Variants in PRKG1 observed in about 807,000 individuals in gnomAD.
PRKG1 encodes cGMP-dependent protein kinase 1.
PRKG1 carries 35 observed loss-of-function variants against 88.1 expected under a neutral mutation model. That is an observed-to-expected ratio of 0.40 (90% confidence interval 0.30 to 0.53). PRKG1 has a LOEUF of 0.53. Among genes scored for constraint, PRKG1 ranks in the 20% least tolerant of loss-of-function variants. The pLI is 0.59. For missense variants in PRKG1, 540 were observed against 839.8 expected (o/e 0.64, Z 4.41); for synonymous variants, 303 against 292.5 (o/e 1.04, Z -0.37).
At chr10:51,700,618 G>A (rs1841441720) in intron 3 of PRKG1, among the ~76,000 whole-genome samples, 1 of 152,126 alleles carries the variant, frequency 6.6e-6, no homozygotes, top group Non-Finnish European at 1.5e-5. Flanking sequence ...AGCTTGGAGA[G>A]GGCTAGGTAA....
intron 3 of PRKG1, among the ~76,000 whole-genome samples, chr10:51,545,082 A>G (rs927443869): frequency 1.3e-5 from 2 of 151,978 alleles, no homozygotes; most frequent in African/African-American, 4.8e-5. Flanking sequence ...GATGTGACTC[A>G]TATTTATTTG....
intron 4 of PRKG1, among the ~76,000 whole-genome samples, chr10:51,805,042 A>G (rs1443185937): frequency 2.0e-5 from 3 of 152,118 alleles, no homozygotes; most frequent in African/African-American, 7.2e-5. Context: ...GATATTGAAT[A>G]CATCTTCAAC....
chr10:51,472,667 T>G (rs1264933786), intron 3 of PRKG1, among the ~76,000 whole-genome samples: 1 of 151,928 alleles, frequency 6.6e-6, no homozygotes, highest in African/African-American at 2.4e-5. Flanking sequence ...AAGTATTAGA[T>G]TTATGATAAA....
intron 2 of PRKG1, among the ~76,000 whole-genome samples, chr10:51,172,320 A>C (rs1837047001): frequency 6.6e-6 from 1 of 152,108 alleles, no homozygotes; most frequent in Admixed American, 6.6e-5. Flanking sequence ...TTTTAAACAA[A>C]AGGGGCATAA....
intron 4 of PRKG1, among the ~76,000 whole-genome samples, chr10:51,876,836 G>A (rs1841312264): frequency 6.6e-6 from 1 of 151,924 alleles, no homozygotes; most frequent in Admixed American, 6.6e-5. Flanking sequence ...CTTGCACCGG[G>A]GTGGGATAAC....
intron 3 of PRKG1, among the ~76,000 whole-genome samples, chr10:51,680,022 T>G (rs1840809917): frequency 6.6e-6 from 1 of 152,048 alleles, no homozygotes; most frequent in Non-Finnish European, 1.5e-5. Flanking sequence ...AACCTCCCCC[T>G]TCCACCACAT....
At chr10:51,217,218 T>C (rs1007576715) in intron 2 of PRKG1, among the ~76,000 whole-genome samples, 3 of 152,152 alleles carry the variant, frequency 2.0e-5, no homozygotes, top group African/African-American at 7.2e-5. Context: ...CTTTCATAGA[T>C]ATAAAAATTA....
chr10:52,212,589 G>GATGAAAAA lies in PRKG1; in HGVS notation c.1077-38981_1077-38980insATGAAAAA, dbSNP rs1455875419. Among the ~76,000 whole-genome samples, 9 of 151,264 alleles carry GATGAAAAA rather than the reference G, an allele frequency of 5.9e-5. No homozygotes were observed. The East Asian group carries it at 1.6e-3, about 26-fold the overall frequency. On this transcript the variant is annotated intron_variant, in intron 9 of 17. Transcript: ENST00000373980. ...AGCTTTTCTATCTTTTCATCCATATGGCTGTTGGGGGGAGAGGGGTGGTGT... is the reference window on the plus strand; with the variant it reads ...AGCTTTTCTATCTTTTCATCCATATGATGAAAAAGCTGTTGGGGGGAGAGGGGTGGTGT...
chr10:51,411,553 A>C (rs1358304600), intron 2 of PRKG1, among the ~76,000 whole-genome samples: 2 of 152,200 alleles, frequency 1.3e-5, no homozygotes, highest in Admixed American at 6.5e-5. Flanking sequence ...GGAGAGTAAC[A>C]TGAAGCAGAG....
intron 8 of PRKG1, among the ~76,000 whole-genome samples, chr10:52,151,689 A>G (rs1047115263): frequency 6.6e-6 from 1 of 152,208 alleles, no homozygotes; most frequent in Non-Finnish European, 1.5e-5. Context: ...ATTTGATTTA[A>G]GTATAGTTGA....
intron 3 of PRKG1, among the ~76,000 whole-genome samples, chr10:51,592,320 T>A (rs1423914111): frequency 6.6e-6 from 1 of 152,128 alleles, no homozygotes; most frequent in Non-Finnish European, 1.5e-5. Flanking sequence ...AAGAAACACT[T>A]GTTTACTCTT....
At chr10:51,750,786 T>C (rs933867722) in intron 3 of PRKG1, among the ~76,000 whole-genome samples, 9 of 152,178 alleles carry the variant, frequency 5.9e-5, no homozygotes, top group Non-Finnish European at 1.3e-4. Context: ...CTTAAAAGCA[T>C]TGGAAGAAAA....
At chr10:51,044,647 T>G (rs1271751461) in intron 1 of PRKG1, among the ~76,000 whole-genome samples, 1 of 151,958 alleles carries the variant, frequency 6.6e-6, no homozygotes, top group Non-Finnish European at 1.5e-5. Flanking sequence ...TAGACTCCCC[T>G]CCTTTGAGAG....
intron 1 of PRKG1, among the ~76,000 whole-genome samples, chr10:51,131,259 A>G (rs1845559177): frequency 6.6e-6 from 1 of 152,200 alleles, no homozygotes; most frequent in South Asian, 2.1e-4. Flanking sequence ...TTCATATCTG[A>G]GTTAATCTTT....
intron 2 of PRKG1, among the ~76,000 whole-genome samples, chr10:51,194,919 A>G (rs1837724002): frequency 6.6e-6 from 1 of 152,182 alleles, no homozygotes; most frequent in Admixed American, 6.5e-5. Context: ...AGATAATGGT[A>G]TTAATCCACT....
At chr10:51,698,751 G>A in intron 3 of PRKG1, 3 of 1,614,184 alleles carry the variant, frequency 1.9e-6, no homozygotes, top group Non-Finnish European at 2.5e-6. Flanking sequence ...GCTGGTATTG[G>A]CCCTGGAGCT....
At chr10:51,779,830 G>T (rs1286964191) in intron 3 of PRKG1, among the ~76,000 whole-genome samples, 1 of 152,070 alleles carries the variant, frequency 6.6e-6, no homozygotes, top group Non-Finnish European at 1.5e-5. Context: ...ACTGTGGTTT[G>T]CCTACCATAG....
chr10:52,144,836 AAAAT>A (rs1564488762), intron 8 of PRKG1, among the ~76,000 whole-genome samples: 3 of 152,184 alleles, frequency 2.0e-5, no homozygotes, highest in African/African-American at 7.2e-5. Context: ...AATAAAAATA[AAAAT>A]AAATAAACTT....
chr10:51,827,740 C>A (rs2068270), intron 4 of PRKG1, among the ~76,000 whole-genome samples: 31,886 of 151,898 alleles, frequency 0.21, 5,385 homozygotes, highest in African/African-American at 0.47. Flanking sequence ...TGGAAAAATG[C>A]CATCTTATAG....
Sources: gnomAD v4.1 joint callset for allele counts (sites outside exome capture counted in the v4.1 genomes callset) on GRCh38, gnomAD v4.1.1 for gene constraint, MANE v1.5 for transcripts, NCBI Gene and HGNC (gene_info 2026-07-23, HGNC 2026-07-21) for gene names.